The following DDO variants were observed in gnomAD, a reference collection of about 807,000 sequenced individuals.
The protein encoded by DDO is D-aspartate oxidase, DDO.
In DDO, 16 loss-of-function variants were observed where a neutral mutation model predicts 16.8. The ratio of observed to expected loss-of-function variants is 0.95; its 90% CI spans 0.65 to 1.45. The LOEUF (loss-of-function observed/expected upper bound fraction) is 1.45, where lower values mean the gene tolerates loss of function less well. Among genes scored for constraint, DDO ranks in the 40% most tolerant of loss-of-function variants. The probability of loss-of-function intolerance (pLI) is 0.00; values close to 1 mark genes in which losing one functional copy is unlikely to be tolerated. For missense variants in DDO, 429 were observed against 420.3 expected (o/e 1.02, Z -0.18); for synonymous variants, 180 against 167.2 (o/e 1.08, Z -0.59).
At position 110,392,790 on chromosome 6, in the gene DDO, G is replaced by A. The variant is rs759623532; in HGVS notation, c.1011C>T (p.Pro337=). 5.8e-6 allele frequency: 9 copies of A among 1,558,540 alleles called. No homozygotes were observed. The South Asian group carries it at 1.1e-4, about 19-fold the overall frequency. The change falls in exon 5 of 5, where the codon CCC becomes CCT. Residue 337 remains proline (P), a synonymous_variant. Coordinates refer to ENST00000368924, the MANE Select transcript of DDO (RefSeq NM_001372108.2). The part of the protein sequence containing the change: ...ECVHALRTPI[P]KSNL The stretch of plus-strand genomic sequence containing the variant: ...TTTATGTCATCTACAGGTTTGACTT[G>A]GGAATGGGGGTCCTGAGGGCATGGA...
intron 4 of DDO, among the ~76,000 whole-genome samples, chr6:110,396,378 C>A (rs1773291885): frequency 6.6e-6 from 1 of 152,202 alleles, no homozygotes; most frequent in African/African-American, 2.4e-5. Context: ...CTGTGCCCAG[C>A]ACCCTTAGGA....
chr6:110,414,134 C>T (rs1185594161), intron 1 of DDO, among the ~76,000 whole-genome samples: 1 of 152,162 alleles, frequency 6.6e-6, no homozygotes, highest in African/African-American at 2.4e-5. Flanking sequence ...GACAGAAAAC[C>T]ACAGAGCTGT....
intron 3 of DDO, among the ~76,000 whole-genome samples, chr6:110,406,370 T>A (rs141478503): frequency 6.6e-6 from 1 of 152,254 alleles, no homozygotes; most frequent in Non-Finnish European, 1.5e-5. Flanking sequence ...CAGGTGCTAA[T>A]GCCAGAAACC....
At chr6:110,400,350 G>GGGT (rs1490116150) in intron 4 of DDO, among the ~76,000 whole-genome samples, 1 of 149,302 alleles carries the variant, frequency 6.7e-6, no homozygotes, top group Non-Finnish European at 1.5e-5. Flanking sequence ...GGCCGGGGCG[G>GGGT]GGACTGGCGC....
At chr6:110,398,632 A>G (rs1773374123) in intron 4 of DDO, among the ~76,000 whole-genome samples, 1 of 152,178 alleles carries the variant, frequency 6.6e-6, no homozygotes, top group Admixed American at 6.5e-5. Context: ...TCCAGGGCAG[A>G]CATGGCTGGC....
chr6:110,402,911 T>C (rs564750559), intron 4 of DDO, among the ~76,000 whole-genome samples: 5 of 152,290 alleles, frequency 3.3e-5, no homozygotes, highest in Non-Finnish European at 7.4e-5. Context: ...CTCCGTGATC[T>C]GCTGGAGACC....
At chr6:110,388,821 A>C (rs952868941), downstream of DDO, 22 of 981,234 alleles carry the variant, frequency 2.2e-5, no homozygotes, top group Non-Finnish European at 2.5e-5. Context: ...TCAGAAAAAA[A>C]TAAAAGATGT....
chr6:110,413,988 G>T lies in DDO; in HGVS notation c.-4-522C>A, dbSNP rs147150172. Among the ~76,000 whole-genome samples, 8 of 152,270 alleles carry T rather than the reference G, an allele frequency of 5.3e-5. No individual in the cohort carries two copies. The East Asian group carries it at 9.7e-4, about 18-fold the overall frequency. The stretch of plus-strand genomic sequence containing the variant: ...AGGGTTTCAGCATGTTGGCTAGGCT[G>T]GTCTCGAACTCCTGACCTTGTGATC... On this transcript the variant is annotated intron_variant, in intron 1 of 4. Transcript: ENST00000368924.
downstream of DDO, chr6:110,388,772 A>G: frequency 2.0e-6 from 2 of 982,376 alleles, no homozygotes; most frequent in Non-Finnish European, 2.4e-6. Context: ...AGACACTTGA[A>G]AGCAGAGATT....
intron 1 of DDO, among the ~76,000 whole-genome samples, chr6:110,414,845 C>T (rs946741956): frequency 1.3e-5 from 2 of 152,240 alleles, no homozygotes. Context: ...AAACCATGGC[C>T]ACCCACACAC....
chr6:110,409,951 C>T (rs1562265532), intron 2 of DDO, among the ~76,000 whole-genome samples: 1 of 152,168 alleles, frequency 6.6e-6, no homozygotes, highest in African/African-American at 2.4e-5. Flanking sequence ...CCTGGTAAAA[C>T]AGAACTATAG....
downstream of DDO, among the ~76,000 whole-genome samples, chr6:110,388,589 C>T (rs1773052798): frequency 6.7e-6 from 1 of 150,138 alleles, no homozygotes; most frequent in African/African-American, 2.4e-5. Context: ...TTCTGTTAAA[C>T]TTTTTTTTTT....
chr6:110,399,240 A>G (rs2114817195), intron 4 of DDO, among the ~76,000 whole-genome samples: 1 of 152,352 alleles, frequency 6.6e-6, no homozygotes, highest in Non-Finnish European at 1.5e-5. Flanking sequence ...AAAAATAATA[A>G]AGATCTAATT....
rs531851561 is a variant in DDO, at chr6:110,412,102, C to T, written c.172+1189G>A. 2.3e-3 allele frequency among the ~76,000 whole-genome samples: 344 copies of T among 152,052 alleles called. 1 individual carries two copies. Among genetic ancestry groups the T allele is most frequent in the African/African-American group, 7.4e-3 (306 of 41,488 alleles). On this transcript the variant is annotated intron_variant, in intron 2 of 4. Coordinates refer to ENST00000368924, the MANE Select transcript of DDO (RefSeq NM_001372108.2). ...CTCTACTAAAAATACAAAAATTAGC[C>T]GGGCGTGGTGGCTCATGCCTGTAGT...
In DDO at chr6:110,413,300, T is replaced by C; in HGVS notation, c.163A>G (p.Thr55Ala). Residue 55 changes from threonine to alanine, a missense_variant, in exon 2 of 5, where the codon ACT (threonine) becomes GCT (alanine). Coordinates refer to ENST00000368924, the MANE Select transcript of DDO (RefSeq NM_001372108.2). Reference protein sequence around the residue: ...DVAAGMLIPHTYPDTPIHTQK... With the variant: ...DVAAGMLIPHAYPDTPIHTQK... ...AGCTGAAATCTCTCACCTGGATAAG[T>C]GTGAGGAATAAGCATTCCGGCTGCC... 1 of 1,614,010 alleles carries C rather than the reference T, an allele frequency of 6.2e-7. No homozygotes were observed. The highest frequency in any genetic ancestry group is 1.7e-5 in the Admixed American group (1 of 60,000).
intron 2 of DDO, among the ~76,000 whole-genome samples, chr6:110,412,251 C>CT (rs1235744024): frequency 8.7e-6 from 1 of 115,024 alleles, no homozygotes; most frequent in African/African-American, 3.3e-5. Flanking sequence ...AAGACTCTGT[C>CT]TTAAAAAAAA....
intron 4 of DDO, among the ~76,000 whole-genome samples, chr6:110,397,659 G>A (rs1582473816): frequency 6.6e-6 from 1 of 152,258 alleles, no homozygotes; most frequent in East Asian, 1.9e-4. Context: ...CATTTCAAGG[G>A]TTCCCTGCTG....
At chr6:110,401,505 C>T (rs1773485595) in intron 4 of DDO, among the ~76,000 whole-genome samples, 1 of 144,394 alleles carries the variant, frequency 6.9e-6, no homozygotes, top group African/African-American at 2.5e-5. Context: ...ATCAAAAAGA[C>T]ACAAGAGCAG....
chr6:110,393,005 G>A lies in DDO; in HGVS notation c.796C>T (p.His266Tyr), dbSNP rs1384498992. 2.5e-6 allele frequency: 4 copies of A among 1,610,804 alleles called. No individual in the cohort carries two copies. Among genetic ancestry groups the A allele is most frequent in the Middle Eastern group, 1.6e-4 (1 of 6,076 alleles). ...SRCCALEPSLHGACNIREKVG... is the reference protein window; with the variant it reads ...SRCCALEPSLYGACNIREKVG... ...TTCTCCCTGATGTTGCAGGCTCCGTGGAGGGAGGGCTCCAGAGCACAGCAT... is the reference window on the plus strand; with the variant it reads ...TTCTCCCTGATGTTGCAGGCTCCGTAGAGGGAGGGCTCCAGAGCACAGCAT... The change falls in exon 5 of 5, where the codon CAC (histidine) becomes TAC (tyrosine). Residue 266 changes from histidine to tyrosine, a missense_variant. Physicochemically the swap from His to Tyr is moderately conservative, Grantham distance 83. Transcript: ENST00000368924.
Sources: allele counts gnomAD v4.1 joint callset (sites outside exome capture counted in the v4.1 genomes callset), GRCh38; gene constraint gnomAD v4.1.1; transcripts MANE v1.5; gene names NCBI Gene and HGNC (gene_info 2026-07-23, HGNC 2026-07-21).